Variants in CSTA observed in about 807,000 individuals in gnomAD.
CSTA encodes cystatin A, also known as cystatin-A.
Under a neutral mutation model 9.2 loss-of-function variants are expected in CSTA, and 9 were observed. The observed-to-expected ratio is 0.97, with a 90% CI of 0.59 to 1.70. The LOEUF (loss-of-function observed/expected upper bound fraction) is 1.70, where lower values mean the gene tolerates loss of function less well. CSTA is among the 40% of genes most tolerant of loss of function. The pLI, the probability that CSTA is intolerant of heterozygous loss-of-function variation, is 0.00. For synonymous variants in CSTA, 36 were observed against 40.6 expected, an observed-to-expected ratio of 0.89 and a Z score of 0.43; for missense variants, 118 against 113.1, an observed-to-expected ratio of 1.04 and a Z score of -0.20.
At chr3:122,333,540 GAAGAAAGAAAGA>G (rs71136564) in intron 1 of CSTA, among the ~76,000 whole-genome samples, 11,538 of 111,994 alleles carry the variant, frequency 0.1, 612 homozygotes, top group Middle Eastern at 0.16. Context: ...AGAAAAGAAA[GAAGAAAGAAAGA>G]AAGAAAGAAA....
intron 1 of CSTA, among the ~76,000 whole-genome samples, chr3:122,332,307 C>T (rs1390034139): frequency 6.6e-6 from 1 of 152,174 alleles, no homozygotes; most frequent in Non-Finnish European, 1.5e-5. Flanking sequence ...CTTGCATCCT[C>T]AATGCCTTGT....
At chr3:122,340,693 G>A (rs2075261090) in intron 2 of CSTA, among the ~76,000 whole-genome samples, 2 of 152,152 alleles carry the variant, frequency 1.3e-5, no homozygotes, top group African/African-American at 4.8e-5. Flanking sequence ...TCTGATATAG[G>A]TATGGGAACC....
intron 1 of CSTA, among the ~76,000 whole-genome samples, chr3:122,325,881 A>G (rs4443111): frequency 0.98 from 149,131 of 152,352 alleles, 73,062 homozygotes; most frequent in East Asian, 1. Flanking sequence ...CATAGTTAAA[A>G]GGTAATTCAA....
intron 1 of CSTA, among the ~76,000 whole-genome samples, chr3:122,335,339 G>A (rs2075230434): frequency 6.6e-6 from 1 of 152,164 alleles, no homozygotes; most frequent in African/African-American, 2.4e-5. Flanking sequence ...CTCTGGAGAT[G>A]GAGAGGTTAT....
chr3:122,335,812 A>G (rs1378111060), intron 1 of CSTA, among the ~76,000 whole-genome samples: 3 of 151,842 alleles, frequency 2.0e-5, no homozygotes, highest in East Asian at 3.9e-4. Context: ...TTGTATTTTT[A>G]GTAGAGACGG....
At chr3:122,341,010 C>T (rs991364514) in intron 2 of CSTA, among the ~76,000 whole-genome samples, 1 of 151,656 alleles carries the variant, frequency 6.6e-6, no homozygotes, top group Non-Finnish European at 1.5e-5. Flanking sequence ...GGCATGATCT[C>T]GGCTCACTGC....
Position 122,328,299 on chromosome 3 carries a change from G to A in CSTA, c.66+2941G>A, listed in dbSNP as rs560187847. On this transcript the variant is annotated intron_variant, in intron 1 of 2. Coordinates refer to ENST00000264474, the MANE Select transcript of CSTA (RefSeq NM_005213.4). ...GCAGATCACATGAGGTCAGGAGTTC[G>A]AGACCAGCCTGGCCAACATGGTGAA... Among the ~76,000 whole-genome samples the A allele has an allele frequency of 4.5e-4, 69 of 151,938 alleles. No homozygotes were observed. In the South Asian group the frequency reaches 0.014, roughly 30 times the overall value.
chr3:122,330,839 G>A lies in CSTA; in HGVS notation c.66+5481G>A, dbSNP rs559246936. 1.7e-4 allele frequency among the ~76,000 whole-genome samples: 26 copies of A among 152,134 alleles called. No homozygotes were observed. In the South Asian group the frequency reaches 3.3e-3, roughly 19 times the overall value. ...TTTGGGAAATTAATAAAATAGAATG[G>A]AGCTAAGAGGGACACATCCAGAAAG... On this transcript the variant is annotated intron_variant, in intron 1 of 2. Coordinates refer to ENST00000264474, the MANE Select transcript of CSTA (RefSeq NM_005213.4).
At chr3:122,335,248 G>C (rs533066542) in intron 1 of CSTA, among the ~76,000 whole-genome samples, 1 of 152,154 alleles carries the variant, frequency 6.6e-6, no homozygotes, top group African/African-American at 2.4e-5. Context: ...CTCCAAAGAT[G>C]TCCATGTCCT....
In CSTA at chr3:122,325,271, A is replaced by G. The variant is rs376145712; in HGVS notation, c.-22A>G. The G allele has an allele frequency of 2.5e-6, 4 of 1,613,468 alleles. No homozygotes were observed. The highest frequency in any genetic ancestry group is 3.4e-6 in the Non-Finnish European group (4 of 1,179,570). On this transcript the variant is annotated 5_prime_UTR_variant, in exon 1 of 3. Coordinates refer to ENST00000264474, the MANE Select transcript of CSTA (RefSeq NM_005213.4). Reference sequence around the variant, plus strand: ...TCACTTTGGTTCCAGCATCCTGTCCAGCAAAGAAGCAATCAGCCAAAATGA... The same window carrying G: ...TCACTTTGGTTCCAGCATCCTGTCCGGCAAAGAAGCAATCAGCCAAAATGA...
intron 1 of CSTA, among the ~76,000 whole-genome samples, chr3:122,334,442 A>C (rs2075225337): frequency 6.6e-6 from 1 of 152,036 alleles, no homozygotes; most frequent in Non-Finnish European, 1.5e-5. Flanking sequence ...ACGCCACTGC[A>C]CTCCAGCCTG....
intron 1 of CSTA, among the ~76,000 whole-genome samples, chr3:122,333,734 G>GAA (rs1491184000): frequency 0.077 from 11,142 of 144,438 alleles, 639 homozygotes; most frequent in African/African-American, 0.16. Context: ...AAGAAAGAAA[G>GAA]AGAAAGAAAG....
intron 1 of CSTA, among the ~76,000 whole-genome samples, chr3:122,327,912 C>T (rs927124057): frequency 3.9e-5 from 6 of 152,150 alleles, no homozygotes; most frequent in African/African-American, 1.4e-4. Flanking sequence ...TACCAGAAGG[C>T]CTTGCATTGC....
intron 2 of CSTA, 191 bp downstream of exon 2, chr3:122,337,839 T>A (rs1316460957): frequency 1.6e-5 from 10 of 606,916 alleles, no homozygotes; most frequent in Non-Finnish European, 2.7e-5. Flanking sequence ...TCTTGTGAAT[T>A]CAGAAAGTTT....
chr3:122,325,830 T>C (rs1477590173), intron 1 of CSTA, among the ~76,000 whole-genome samples: 8 of 152,204 alleles, frequency 5.3e-5, no homozygotes, highest in Non-Finnish European at 2.9e-5. Context: ...ACTTACAAAC[T>C]TCATACACTT....
At chr3:122,330,671 C>T (rs995881471) in intron 1 of CSTA, among the ~76,000 whole-genome samples, 2 of 152,194 alleles carry the variant, frequency 1.3e-5, no homozygotes, top group Non-Finnish European at 2.9e-5. Context: ...GATGTCATTG[C>T]TATACTCATC....
intron 2 of CSTA, among the ~76,000 whole-genome samples, chr3:122,338,540 C>T (rs2107668598): frequency 6.7e-6 from 1 of 149,152 alleles, no homozygotes; most frequent in Admixed American, 6.7e-5. Context: ...TGGAGCTAGT[C>T]AGCTCAGCAT....
intron 1 of CSTA, among the ~76,000 whole-genome samples, chr3:122,327,244 AAAG>A (rs1268999754): frequency 1.4e-5 from 2 of 147,950 alleles, no homozygotes; most frequent in Non-Finnish European, 3.0e-5. Context: ...TCAAAAAAAA[AAAG>A]GGCCAGGCGC....
chr3:122,341,699 G>T lies in CSTA; in HGVS notation c.*132G>T, dbSNP rs560948605. The T allele has an allele frequency of 4.5e-5, 53 of 1,166,738 alleles. No individual in the cohort carries two copies. In the African/African-American group the frequency reaches 6.0e-4, roughly 13 times the overall value. 72.3% of individuals were successfully genotyped at this position (1,166,738 alleles called of 1,614,324 possible). ...TTTCTTCAATTATTTCTCATTTATT[G>T]TATTAAGCAGAAATTACCTTTTCTT... On this transcript the variant is annotated 3_prime_UTR_variant, in exon 3 of 3. Transcript: ENST00000264474.
Sources: allele counts gnomAD v4.1 joint callset (sites outside exome capture counted in the v4.1 genomes callset), GRCh38; gene constraint gnomAD v4.1.1; transcripts MANE v1.5; gene names NCBI Gene and HGNC (gene_info 2026-07-23, HGNC 2026-07-21).